AAK1: variants seen among roughly 807,000 people sequenced by gnomAD.
AAK1 encodes AP2-associated protein kinase 1.
Under a neutral mutation model 116.0 loss-of-function variants are expected in AAK1, and 37 were observed. The ratio of observed to expected loss-of-function variants is 0.32; its 90% confidence interval spans 0.25 to 0.42. AAK1 has a LOEUF of 0.42. Ranked by LOEUF, AAK1 falls within the 10% of genes least tolerant of loss-of-function variation. The probability of loss-of-function intolerance (pLI) is 1.00; values close to 1 mark genes in which losing one functional copy is unlikely to be tolerated. For missense variants in AAK1, 919 were observed against 1,170.6 expected, an observed-to-expected ratio of 0.79 and a Z score of 3.14; for synonymous variants, 458 against 439.9, an observed-to-expected ratio of 1.04 and a Z score of -0.51.
chr2:69,538,758 A>G (rs1670584034), intron 5 of AAK1, among the ~76,000 whole-genome samples: 1 of 152,082 alleles, frequency 6.6e-6, no homozygotes, highest in Non-Finnish European at 1.5e-5. Flanking sequence ...GGCGGGCACC[A>G]GTAATCCCAG....
intron 4 of AAK1, 123 bp downstream of exon 4, chr2:69,544,313 T>G: frequency 1.4e-6 from 1 of 692,404 alleles, no homozygotes; most frequent in Non-Finnish European, 2.5e-6. Flanking sequence ...CTTTTAGTTT[T>G]CTCATCTGTC....
intron 2 of AAK1, among the ~76,000 whole-genome samples, chr2:69,615,962 A>C (rs553955766): frequency 6.6e-4 from 101 of 152,226 alleles, no homozygotes; most frequent in Non-Finnish European, 1.2e-3. Flanking sequence ...GTGACTGGGC[A>C]TGGTGGCTCA....
rs558505924 is a variant in AAK1, at chr2:69,495,766, T to C, written c.2365+219A>G. Among the ~76,000 whole-genome samples, 5 of 152,310 alleles carry C rather than the reference T, an allele frequency of 3.3e-5. No individual in the cohort carries two copies. The South Asian group carries it at 6.2e-4, about 19-fold the overall frequency. ...ACATTGATATAATATGGAAATCAAT[T>C]TGGTATAACCTGAACTGATTTTATC... is the stretch of plus-strand genomic sequence containing the variant. On this transcript the variant is annotated intron_variant, in intron 17 of 21. Coordinates refer to ENST00000409085, the MANE Select transcript of AAK1 (RefSeq NM_014911.5).
chr2:69,618,997 C>T (rs1022502625), intron 2 of AAK1, among the ~76,000 whole-genome samples: 1 of 151,854 alleles, frequency 6.6e-6, no homozygotes, highest in Non-Finnish European at 1.5e-5. Flanking sequence ...AGGCTTGTCT[C>T]CCCATTCTGG....
At chr2:69,509,497 TA>T (rs747712310) in intron 13 of AAK1, 37 bp from the exon 14 acceptor site, 5,786 of 1,346,280 alleles carry the variant, frequency 4.3e-3, no homozygotes, top group South Asian at 5.4e-3. Flanking sequence ...TTCATTAAAT[TA>T]AAAAAAAAAG....
intron 13 of AAK1, among the ~76,000 whole-genome samples, chr2:69,511,253 T>G (rs945641454): frequency 6.6e-6 from 1 of 152,238 alleles, no homozygotes; most frequent in Non-Finnish European, 1.5e-5. Context: ...ACTATCCAGC[T>G]ACCTGGGTCA....
chr2:69,628,059 G>A (rs562205190), intron 2 of AAK1, among the ~76,000 whole-genome samples: 9 of 152,222 alleles, frequency 5.9e-5, no homozygotes, highest in Non-Finnish European at 1.2e-4. Flanking sequence ...AAGAAGGAAA[G>A]CAGAAAAAAA....
chr2:69,544,628 AATTT>A (rs1273445183), intron 3 of AAK1, 84 bp from the exon 4 acceptor site: 2 of 959,566 alleles, frequency 2.1e-6, no homozygotes, highest in Non-Finnish European at 3.2e-6. Flanking sequence ...TAGCACAGAT[AATTT>A]AAATACAGAG....
intron 2 of AAK1, among the ~76,000 whole-genome samples, chr2:69,604,090 C>G (rs1673695173): frequency 6.6e-6 from 1 of 152,222 alleles, no homozygotes; most frequent in Admixed American, 6.5e-5. Flanking sequence ...ACAACCAGAG[C>G]TCAAGGCTGC....
At chr2:69,627,939 TA>T (rs1674982897) in intron 2 of AAK1, among the ~76,000 whole-genome samples, 1 of 152,234 alleles carries the variant, frequency 6.6e-6, no homozygotes, top group East Asian at 1.9e-4. Context: ...TTGACACCAT[TA>T]TCTACCCAGT....
chr2:69,592,372 C>T (rs1673071937), intron 2 of AAK1, among the ~76,000 whole-genome samples: 1 of 152,156 alleles, frequency 6.6e-6, no homozygotes, highest in South Asian at 2.1e-4. Flanking sequence ...GTGCTGCTGG[C>T]ATCAAGTGGG....
intron 5 of AAK1, among the ~76,000 whole-genome samples, chr2:69,539,630 G>A (rs1449643770): frequency 6.6e-6 from 1 of 152,222 alleles, no homozygotes; most frequent in Non-Finnish European, 1.5e-5. Context: ...GCAACTAGGA[G>A]TAGTGTCAAT....
chr2:69,499,399 G>C (rs1408595306), intron 16 of AAK1, among the ~76,000 whole-genome samples: 1 of 152,070 alleles, frequency 6.6e-6, no homozygotes, highest in Non-Finnish European at 1.5e-5. Context: ...TCCCTTCTGG[G>C]GCCCCTAGTT....
At chr2:69,490,406 C>T (rs541532209) in intron 17 of AAK1, among the ~76,000 whole-genome samples, 1 of 152,182 alleles carries the variant, frequency 6.6e-6, no homozygotes, top group South Asian at 2.1e-4. Flanking sequence ...ATGGAAGCAA[C>T]CCAAGTGTCC....
At position 69,544,548 on chromosome 2, in the gene AAK1, T is replaced by A. The variant is rs748312123; in HGVS notation, c.283-4A>T. On this transcript the variant is annotated splice_region_variant and splice_polypyrimidine_tract_variant and intron_variant, in intron 3 of 21. Transcript: ENST00000409085. ...TCTTGTGCCCTGAAAGATCCCTCTG[T>A]GAACAAGAGAGGAGAAATATATTGT... 2 of 1,602,846 alleles carry A rather than the reference T, an allele frequency of 1.2e-6. No individual in the cohort carries two copies. The highest frequency in any genetic ancestry group is 2.2e-5 in the South Asian group (2 of 90,830).
At chr2:69,629,660 G>A (rs1026119728) in intron 2 of AAK1, among the ~76,000 whole-genome samples, 5 of 152,126 alleles carry the variant, frequency 3.3e-5, no homozygotes, top group South Asian at 2.1e-4. Flanking sequence ...TCTCAAATCC[G>A]TCTAGTCTCT....
chr2:69,621,914 C>T (rs1333012679), intron 2 of AAK1, among the ~76,000 whole-genome samples: 2 of 152,374 alleles, frequency 1.3e-5, no homozygotes, highest in East Asian at 3.9e-4. Flanking sequence ...GAGGTGACAG[C>T]GTGCTGGCAG....
intron 2 of AAK1, among the ~76,000 whole-genome samples, chr2:69,596,253 C>T (rs61136922): frequency 0.044 from 6,455 of 148,336 alleles, 384 homozygotes; most frequent in East Asian, 0.16. Flanking sequence ...CAAAGTCTCA[C>T]TCTGTTGCTC....
rs1553417497 is a variant in AAK1 at position 69,575,020 on chromosome 2, C to CAAA, written c.164-18045_164-18043dup. Among the ~76,000 whole-genome samples, 676 of 76,768 alleles carry CAAA rather than the reference C, an allele frequency of 8.8e-3. 5 individuals are homozygous for CAAA. Among genetic ancestry groups the CAAA allele is most frequent in the East Asian group, 0.02 (40 of 1,972 alleles). The allele number at this position is 76,768 out of a possible 152,430, so 50.4% of individuals were successfully genotyped here. On this transcript the variant is annotated intron_variant, in intron 2 of 21. Coordinates refer to ENST00000409085, the MANE Select transcript of AAK1 (RefSeq NM_014911.5). The stretch of plus-strand genomic sequence containing the variant: ...AAAAATACGTATAGCAAAAAGACTA[C>CAAA]AAAAAAAAAAAAAAAACCACACACA...
Sources: allele counts gnomAD v4.1 joint callset (sites outside exome capture counted in the v4.1 genomes callset), GRCh38; gene constraint gnomAD v4.1.1; transcripts MANE v1.5; gene names NCBI Gene and HGNC (gene_info 2026-07-23, HGNC 2026-07-21).